Variants in PGBD2 observed in about 807,000 individuals in gnomAD.
PGBD2 encodes the protein piggyBac transposable element-derived protein 2.
A neutral mutation model predicts 8.1 loss-of-function variants in PGBD2; 6 were observed. That is an observed-to-expected ratio of 0.74 (90% CI 0.40 to 1.46). The LOEUF (loss-of-function observed/expected upper bound fraction) is 1.46. PGBD2 is among the 40% of genes most tolerant of loss of function. PGBD2 has a pLI of 0.02. For synonymous variants in PGBD2, 318 were observed against 272.2 expected, an observed-to-expected ratio of 1.17 and a Z score of -1.66; for missense variants, 802 against 739.0, an observed-to-expected ratio of 1.09 and a Z score of -0.99.
rs56684033 is a variant in PGBD2 at position 248,908,250 on chromosome 1, A to G, written c.-48+1908A>G. Among the ~76,000 whole-genome samples, 1,278 of 152,268 alleles carry G rather than the reference A, an allele frequency of 8.4e-3. 15 individuals are homozygous for G. Among genetic ancestry groups the G allele is most frequent in the African/African-American group, 0.029 (1,201 of 41,536 alleles). Reference sequence around the variant, plus strand: ...ACCTCCCAATCCCCTAGGACCCTTTAGAGTGGCCTGGGGAGCTCCAGGTCT... The same window carrying G: ...ACCTCCCAATCCCCTAGGACCCTTTGGAGTGGCCTGGGGAGCTCCAGGTCT... On this transcript the variant is annotated intron_variant, in intron 1 of 2. Transcript: ENST00000329291.
chr1:248,889,788 CG>C, the PGBD2 span, among the ~76,000 whole-genome samples: 3 of 152,034 alleles, frequency 2.0e-5, no homozygotes, highest in African/African-American at 4.8e-5. Context: ...AAGGCAGACT[CG>C]GGGGATATGC....
chr1:248,916,739 G>A lies in PGBD2; in HGVS notation c.155G>A (p.Gly52Glu). 6.2e-7 allele frequency: 1 copy of A among 1,614,168 alleles called. No individual in the cohort carries two copies. Among genetic ancestry groups the A allele is most frequent in the East Asian group, 2.2e-5 (1 of 44,890 alleles). Residue 52 changes from glycine (G) to glutamate (E), a missense_variant, in exon 3 of 3, where the codon GGG (glycine) becomes GAG (glutamate). Coordinates refer to ENST00000329291, the MANE Select transcript of PGBD2 (RefSeq NM_170725.3). ...ATTGCACCTCCCGACAATGCTGCGG[G>A]GGAATTCACTGATGAGGACTCAGGG... ...IFIAPPDNAA[G>E]EFTDEDSGDE...
At chr1:248,873,889 C>T in the PGBD2 span, among the ~76,000 whole-genome samples, 3 of 152,202 alleles carry the variant, frequency 2.0e-5, no homozygotes, top group Non-Finnish European at 2.9e-5. Context: ...GCGCCAGACT[C>T]AAGGTAAGCA....
chr1:248,873,277 C>A, the PGBD2 span, among the ~76,000 whole-genome samples: 2 of 152,202 alleles, frequency 1.3e-5, no homozygotes, highest in Admixed American at 1.3e-4. Flanking sequence ...AGCCTGACTT[C>A]CCTCACCTCA....
intron 2 of PGBD2, 53 bp from the exon 3 acceptor site, chr1:248,916,549 A>G: frequency 6.6e-7 from 1 of 1,515,196 alleles, no homozygotes; most frequent in Non-Finnish European, 9.1e-7. Context: ...TTTCTGCTGA[A>G]GCATTGGCTT....
upstream of PGBD2, among the ~76,000 whole-genome samples, chr1:248,903,026 G>T (rs1002416280): frequency 6.6e-6 from 1 of 152,048 alleles, no homozygotes; most frequent in Non-Finnish European, 1.5e-5. Context: ...AAAAGCTGAA[G>T]AAAAAACAAG....
chr1:248,924,026 C>A (rs929674316), downstream of PGBD2, among the ~76,000 whole-genome samples: 2 of 152,236 alleles, frequency 1.3e-5, no homozygotes, highest in African/African-American at 4.8e-5. Context: ...AGCTTCTTGA[C>A]AGGGGACACA....
intron 1 of PGBD2, among the ~76,000 whole-genome samples, chr1:248,909,314 T>A (rs1262959825): frequency 6.6e-6 from 1 of 152,188 alleles, no homozygotes. Context: ...CCCTCTGACC[T>A]GGTTGAGTCC....
At chr1:248,880,094 T>C in the PGBD2 span, among the ~76,000 whole-genome samples, 1 of 152,204 alleles carries the variant, frequency 6.6e-6, no homozygotes, top group African/African-American at 2.4e-5. Flanking sequence ...TGGCAAGACA[T>C]TAAACGAGAC....
the PGBD2 span, among the ~76,000 whole-genome samples, chr1:248,873,904 G>T: frequency 6.6e-6 from 1 of 152,200 alleles, no homozygotes; most frequent in African/African-American, 2.4e-5. Context: ...TAAGCACCTT[G>T]CCTGCGGGCT....
At chr1:248,892,368 C>T in the PGBD2 span, among the ~76,000 whole-genome samples, 4 of 150,650 alleles carry the variant, frequency 2.7e-5, no homozygotes, top group Non-Finnish European at 5.9e-5. Flanking sequence ...TAGCATTCTA[C>T]CCTGACGATG....
chr1:248,903,468 T>G (rs558046895), upstream of PGBD2, among the ~76,000 whole-genome samples: 1 of 152,158 alleles, frequency 6.6e-6, no homozygotes, highest in South Asian at 2.1e-4. Flanking sequence ...GGATTACAGG[T>G]GTGAGCCACC....
chr1:248,924,837 G>A (rs900745281), downstream of PGBD2, among the ~76,000 whole-genome samples: 1 of 152,018 alleles, frequency 6.6e-6, no homozygotes, highest in African/African-American at 2.4e-5. Flanking sequence ...TTGGCTCTGG[G>A]AGGGCAGGGT....
At chr1:248,880,393 C>T in the PGBD2 span, among the ~76,000 whole-genome samples, 2 of 152,064 alleles carry the variant, frequency 1.3e-5, no homozygotes, top group South Asian at 2.1e-4. Flanking sequence ...ATGTGTAAGC[C>T]GTATGTATTT....
the PGBD2 span, among the ~76,000 whole-genome samples, chr1:248,878,101 A>G: frequency 3.0e-4 from 46 of 151,850 alleles, no homozygotes; most frequent in African/African-American, 1.1e-3. Flanking sequence ...ATTGGCCACG[A>G]TGTTCTGTTG....
chr1:248,873,683 C>G, the PGBD2 span, among the ~76,000 whole-genome samples: 16 of 152,204 alleles, frequency 1.1e-4, no homozygotes, highest in Non-Finnish European at 1.3e-4. Context: ...ATCGGCCACT[C>G]CTGGCTGCAT....
the PGBD2 span, among the ~76,000 whole-genome samples, chr1:248,927,893 A>G: frequency 6.6e-6 from 1 of 152,218 alleles, no homozygotes; most frequent in Non-Finnish European, 1.5e-5. Flanking sequence ...AGAAAACAGA[A>G]AGGGATAACT....
chr1:248,901,938 TA>T (rs1208966892), upstream of PGBD2, among the ~76,000 whole-genome samples: 3 of 152,054 alleles, frequency 2.0e-5, no homozygotes, highest in African/African-American at 7.2e-5. Context: ...ACAGCCCCAT[TA>T]AAAACATCAT....
At chr1:248,902,927 T>A (rs1359826593), upstream of PGBD2, among the ~76,000 whole-genome samples, 2 of 152,132 alleles carry the variant, frequency 1.3e-5, no homozygotes, top group African/African-American at 4.8e-5. Context: ...ACCTAGGTGA[T>A]GGGTTGATCT....
Sources: gnomAD v4.1 joint callset for allele counts (sites outside exome capture counted in the v4.1 genomes callset) on GRCh38, gnomAD v4.1.1 for gene constraint, MANE v1.5 for transcripts, NCBI Gene and HGNC (gene_info 2026-07-23, HGNC 2026-07-21) for gene names.